The following CCDC60 variants were observed in gnomAD, a reference collection of about 807,000 sequenced individuals.
CCDC60 encodes the protein coiled-coil domain containing 60, also known as coiled-coil domain-containing protein 60.
Under a neutral mutation model 63.5 loss-of-function variants are expected in CCDC60, and 54 were observed. The ratio of observed to expected loss-of-function variants is 0.85; its 90% CI spans 0.68 to 1.07. CCDC60 has a LOEUF of 1.07. Among genes scored for constraint, CCDC60 ranks in the 50% least tolerant of loss-of-function variants. The probability of loss-of-function intolerance (pLI) is 0.00; values close to 1 mark genes in which losing one functional copy is unlikely to be tolerated. For synonymous variants in CCDC60, 206 were observed against 238.8 expected, an observed-to-expected ratio of 0.86 and a Z score of 1.27; for missense variants, 651 against 684.3, an observed-to-expected ratio of 0.95 and a Z score of 0.54.
In CCDC60 at chr12:119,507,591, CATATAT is replaced by C. The variant is rs57668490; in HGVS notation, c.883+2307_883+2312del. On this transcript the variant is annotated intron_variant, in intron 7 of 13. Transcript: ENST00000327554. Reference sequence around the variant, plus strand: ...ATATGTATATATACACATATATATACATATATATATATATATATATATATTTTTTTT... The same window carrying C: ...ATATGTATATATACACATATATATACATATATATATATATATATTTTTTTT... 1.3e-4 allele frequency among the ~76,000 whole-genome samples: 3 copies of C among 23,022 alleles called. 1 individual carries two copies. Among genetic ancestry groups the C allele is most frequent in the Non-Finnish European group, 1.9e-4 (3 of 15,454 alleles). The allele number at this position is 23,022 out of a possible 152,430, so 15.1% of individuals were successfully genotyped here. A position where few individuals can be genotyped will look rare whatever the true frequency, so the allele number is the denominator to read the frequency against.
intron 1 of CCDC60, among the ~76,000 whole-genome samples, chr12:119,412,041 T>C (rs1956612517): frequency 6.6e-6 from 1 of 152,200 alleles, no homozygotes; most frequent in African/African-American, 2.4e-5. Flanking sequence ...TTAAGAAATA[T>C]GTGAGCTGCT....
intron 1 of CCDC60, among the ~76,000 whole-genome samples, chr12:119,367,654 A>T (rs1955854188): frequency 6.6e-6 from 1 of 152,226 alleles, no homozygotes; most frequent in South Asian, 2.1e-4. Context: ...GATAAACAAG[A>T]TATAGCCTAT....
intron 1 of CCDC60, among the ~76,000 whole-genome samples, chr12:119,422,746 A>G (rs942404286): frequency 9.9e-5 from 15 of 152,202 alleles, no homozygotes; most frequent in South Asian, 2.1e-4. Flanking sequence ...TCCAAACCGT[A>G]TCAGATGGTG....
In CCDC60 at chr12:119,456,011, G is replaced by T. The variant is rs1364154860; in HGVS notation, c.171-15983G>T. Among the ~76,000 whole-genome samples the T allele has an allele frequency of 1.2e-5, 1 of 84,420 alleles. No homozygotes were observed. 55.4% of individuals were successfully genotyped at this position (84,420 alleles called of 152,430 possible). On this transcript the variant is annotated intron_variant, in intron 2 of 13. Transcript: ENST00000327554. The surrounding 1 kb of genome is among the most constrained non-coding windows in gnomAD (Gnocchi z 4.6). ...AAAGAGAGAGAGAAAGAGAAAGAAA[G>T]AAAGAAAGAAAGAAAGAAAGAAAGA...
chr12:119,354,154 TAAC>T (rs1565967696), intron 1 of CCDC60, among the ~76,000 whole-genome samples: 1 of 152,072 alleles, frequency 6.6e-6, no homozygotes, highest in East Asian at 1.9e-4. Context: ...TCATGACACC[TAAC>T]AATATTTCTT....
chr12:119,467,242 C>T (rs1950969882), intron 2 of CCDC60, among the ~76,000 whole-genome samples: 1 of 152,224 alleles, frequency 6.6e-6, no homozygotes, highest in African/African-American at 2.4e-5. Flanking sequence ...TGAAGCCAAG[C>T]ACCCTCCTAG....
intron 6 of CCDC60, 56 bp downstream of exon 6, chr12:119,500,224 G>A (rs1951817411): frequency 8.2e-7 from 1 of 1,224,686 alleles, no homozygotes; most frequent in Non-Finnish European, 1.2e-6. Context: ...CTTGTGTTGA[G>A]GAGTATTTTT....
intron 1 of CCDC60, among the ~76,000 whole-genome samples, chr12:119,373,988 T>C (rs1469460035): frequency 1.4e-5 from 2 of 145,818 alleles, no homozygotes; most frequent in Non-Finnish European, 1.5e-5. Flanking sequence ...GAACTTTATC[T>C]TTTTTTTTTT....
At chr12:119,401,247 C>T (rs976280418) in intron 1 of CCDC60, among the ~76,000 whole-genome samples, 2 of 152,216 alleles carry the variant, frequency 1.3e-5, no homozygotes, top group East Asian at 1.9e-4. Context: ...TCTTCCAATA[C>T]CTGATGTGAC....
intron 2 of CCDC60, among the ~76,000 whole-genome samples, chr12:119,458,920 G>T (rs1368187823): frequency 6.6e-6 from 1 of 151,930 alleles, no homozygotes; most frequent in Non-Finnish European, 1.5e-5. Context: ...CTAATTTTTT[G>T]TATTTTTAGT....
chr12:119,395,888 T>C (rs1446478799), intron 1 of CCDC60, among the ~76,000 whole-genome samples: 1 of 152,108 alleles, frequency 6.6e-6, no homozygotes, highest in East Asian at 1.9e-4. Context: ...GCCTCATCAC[T>C]CCAGTCTCCA....
chr12:119,504,983 C>G (rs1566047818), intron 6 of CCDC60, 86 bp from the exon 7 acceptor site: 1 of 1,017,114 alleles, frequency 9.8e-7, no homozygotes, highest in Non-Finnish European at 1.4e-6. Context: ...CTGTCCCTCC[C>G]CACCTTCCTC....
intron 2 of CCDC60, among the ~76,000 whole-genome samples, chr12:119,465,505 C>T (rs771149939): frequency 2.0e-5 from 3 of 152,012 alleles, no homozygotes; most frequent in Non-Finnish European, 2.9e-5. Context: ...CACCTGTAAT[C>T]CCAGCACTCT....
intron 1 of CCDC60, among the ~76,000 whole-genome samples, chr12:119,360,161 G>A (rs1246810812): frequency 1.3e-5 from 2 of 150,420 alleles, no homozygotes; most frequent in Non-Finnish European, 3.0e-5. Context: ...CCGGGCGGGG[G>A]GCTGACCCCC....
chr12:119,528,980 T>C (rs567909045), intron 12 of CCDC60, among the ~76,000 whole-genome samples: 1 of 152,232 alleles, frequency 6.6e-6, no homozygotes, highest in South Asian at 2.1e-4. Flanking sequence ...GCGTTCTCCA[T>C]ATTTACCTGC....
At chr12:119,357,009 T>G (rs1412176950) in intron 1 of CCDC60, among the ~76,000 whole-genome samples, 2 of 152,206 alleles carry the variant, frequency 1.3e-5, no homozygotes, top group Non-Finnish European at 2.9e-5. Flanking sequence ...AAAATCAAGA[T>G]ACAGACCATT....
intron 1 of CCDC60, among the ~76,000 whole-genome samples, chr12:119,349,949 C>G (rs1352315833): frequency 1.3e-5 from 2 of 152,146 alleles, no homozygotes; most frequent in Admixed American, 6.5e-5. Context: ...CCTTGGGTGA[C>G]AGCCACTCTA....
intron 7 of CCDC60, among the ~76,000 whole-genome samples, chr12:119,507,561 T>C (rs1326430971): frequency 2.9e-5 from 2 of 67,886 alleles, no homozygotes; most frequent in African/African-American, 1.7e-4. Flanking sequence ...CATATATATA[T>C]ATATATATGT....
intron 1 of CCDC60, among the ~76,000 whole-genome samples, chr12:119,338,101 C>T (rs911434172): frequency 3.3e-5 from 5 of 152,084 alleles, no homozygotes; most frequent in Admixed American, 1.3e-4. Flanking sequence ...TGAAATCCTT[C>T]GCACCCCTCT....
Sources: gnomAD v4.1 joint callset for allele counts (sites outside exome capture counted in the v4.1 genomes callset) on GRCh38, gnomAD v4.1.1 for gene constraint, Gnocchi (gnomAD v3.1) non-coding constraint, MANE v1.5 for transcripts, NCBI Gene and HGNC (gene_info 2026-07-23, HGNC 2026-07-21) for gene names.